UPP2: variants seen among roughly 807,000 people sequenced by gnomAD.
The protein encoded by UPP2 is UPase 2.
Under a neutral mutation model 26.7 loss-of-function variants are expected in UPP2, and 23 were observed. The ratio of observed to expected loss-of-function variants is 0.86; its 90% CI spans 0.62 to 1.22. The LOEUF (loss-of-function observed/expected upper bound fraction) is 1.22, where lower values mean the gene tolerates loss of function less well. Ranked by LOEUF, UPP2 falls within the 50% of genes most tolerant of loss-of-function variation. The pLI, the probability that UPP2 is intolerant of heterozygous loss-of-function variation, is 0.00. For synonymous variants in UPP2, 127 were observed against 141.3 expected, an observed-to-expected ratio of 0.90 and a Z score of 0.72; for missense variants, 387 against 396.7, an observed-to-expected ratio of 0.98 and a Z score of 0.21.
intron 3 of UPP2, among the ~76,000 whole-genome samples, chr2:158,017,889 CTTTT>C: frequency 6.6e-6 from 1 of 152,272 alleles, no homozygotes; most frequent in East Asian, 1.9e-4. Flanking sequence ...TTTGTTTCTT[CTTTT>C]TAAGCTTATA....
intron 3 of UPP2, among the ~76,000 whole-genome samples, chr2:158,050,807 C>T (rs1039621887): frequency 3.3e-5 from 5 of 152,110 alleles, no homozygotes; most frequent in Non-Finnish European, 5.9e-5. Context: ...TGAATATGAA[C>T]TATTGAAATG....
chr2:158,069,131 G>A (rs564499158), intron 3 of UPP2, among the ~76,000 whole-genome samples: 1 of 151,998 alleles, frequency 6.6e-6, no homozygotes, highest in South Asian at 2.1e-4. Flanking sequence ...GCTGTCCAGA[G>A]GCTAGTCGCC....
intron 3 of UPP2, among the ~76,000 whole-genome samples, chr2:158,052,247 G>A (rs543393432): frequency 4.0e-4 from 61 of 152,246 alleles, no homozygotes; most frequent in African/African-American, 1.3e-3. Context: ...GTAAGGAATT[G>A]GAACCCAACA....
At chr2:158,128,332 G>T (rs1051703881) in intron 6 of UPP2, among the ~76,000 whole-genome samples, 2 of 152,182 alleles carry the variant, frequency 1.3e-5, no homozygotes, top group African/African-American at 4.8e-5. Flanking sequence ...TTCTTCTGCT[G>T]TTCCCAACAA....
At chr2:157,999,366 C>G (rs1437668498) in intron 2 of UPP2, among the ~76,000 whole-genome samples, 2 of 152,070 alleles carry the variant, frequency 1.3e-5, no homozygotes, top group Non-Finnish European at 1.5e-5. Flanking sequence ...TTAGTAGAGA[C>G]AGGGTTTCAC....
At chr2:158,124,288 T>A (rs369637704) in intron 6 of UPP2, among the ~76,000 whole-genome samples, 47 of 152,316 alleles carry the variant, frequency 3.1e-4, no homozygotes, top group African/African-American at 1.1e-3. Context: ...GGGAGAAGAA[T>A]GTGCCACTTG....
chr2:158,050,327 ACT>A (rs2105170649), intron 3 of UPP2, among the ~76,000 whole-genome samples: 1 of 152,210 alleles, frequency 6.6e-6, no homozygotes, highest in African/African-American at 2.4e-5. Flanking sequence ...AGAAGCAAAG[ACT>A]CTAAGTGAAG....
At chr2:158,096,624 A>G (rs1682990303) in intron 3 of UPP2, among the ~76,000 whole-genome samples, 1 of 150,874 alleles carries the variant, frequency 6.6e-6, no homozygotes, top group Admixed American at 6.6e-5. Context: ...AATAAATATA[A>G]TAAACAATAA....
At chr2:158,051,930 G>A (rs1682165601) in intron 3 of UPP2, among the ~76,000 whole-genome samples, 1 of 152,130 alleles carries the variant, frequency 6.6e-6, no homozygotes, top group Non-Finnish European at 1.5e-5. Flanking sequence ...CAGCTGGCCT[G>A]GCACACATAT....
intron 2 of UPP2, among the ~76,000 whole-genome samples, chr2:158,109,570 T>A (rs1683268564): frequency 6.6e-6 from 1 of 152,118 alleles, no homozygotes; most frequent in Non-Finnish European, 1.5e-5. Flanking sequence ...CACCAATACA[T>A]CCTCCTTGTA....
intron 3 of UPP2, among the ~76,000 whole-genome samples, chr2:158,047,035 G>T (rs1375703947): frequency 2.0e-5 from 3 of 152,076 alleles, no homozygotes; most frequent in African/African-American, 7.2e-5. Context: ...AGTCTCTCTG[G>T]GTTATAAATA....
At chr2:157,997,937 A>C (rs1301477399) in intron 2 of UPP2, among the ~76,000 whole-genome samples, 1 of 152,262 alleles carries the variant, frequency 6.6e-6, no homozygotes, top group Non-Finnish European at 1.5e-5. Context: ...ATTAACTTGC[A>C]TGCCCCAAAC....
At chr2:158,100,306 T>C (rs1387302587), upstream of UPP2, among the ~76,000 whole-genome samples, 2 of 152,182 alleles carry the variant, frequency 1.3e-5, no homozygotes. Context: ...CTGTTAGTGA[T>C]CAAGATCACT....
At chr2:158,027,795 G>C (rs1004965350) in intron 3 of UPP2, among the ~76,000 whole-genome samples, 1 of 152,280 alleles carries the variant, frequency 6.6e-6, no homozygotes, top group South Asian at 2.1e-4. Flanking sequence ...AAATCTAGGC[G>C]GAGGTTTCCA....
chr2:158,101,711 G>A (rs1683078658), upstream of UPP2, among the ~76,000 whole-genome samples: 1 of 152,158 alleles, frequency 6.6e-6, no homozygotes, highest in Non-Finnish European at 1.5e-5. Flanking sequence ...TGGGATCAAG[G>A]ACAGATGTAA....
At chr2:158,000,817 A>G (rs1683392989) in intron 2 of UPP2, among the ~76,000 whole-genome samples, 1 of 152,268 alleles carries the variant, frequency 6.6e-6, no homozygotes, top group Non-Finnish European at 1.5e-5. Context: ...TATTACTAGA[A>G]GATGCTGAAG....
At chr2:158,084,905 T>C (rs554500326) in intron 3 of UPP2, among the ~76,000 whole-genome samples, 1 of 152,286 alleles carries the variant, frequency 6.6e-6, no homozygotes, top group African/African-American at 2.4e-5. Context: ...GGCCTTATAA[T>C]ATAGTTTGAA....
At chr2:158,089,533 C>T (rs957225192) in intron 3 of UPP2, among the ~76,000 whole-genome samples, 15 of 152,210 alleles carry the variant, frequency 9.9e-5, no homozygotes, top group African/African-American at 3.4e-4. Flanking sequence ...ACTTTGCACT[C>T]GGTTGAAATT....
At chr2:157,998,367 G>A (rs1311662722) in intron 2 of UPP2, among the ~76,000 whole-genome samples, 1 of 152,128 alleles carries the variant, frequency 6.6e-6, no homozygotes, top group Non-Finnish European at 1.5e-5. Flanking sequence ...TTAGTGCAGG[G>A]CACGTCTGAA....
Sources: gnomAD v4.1 joint callset for allele counts (sites outside exome capture counted in the v4.1 genomes callset) on GRCh38, gnomAD v4.1.1 for gene constraint, MANE v1.5 for transcripts, NCBI Gene and HGNC (gene_info 2026-07-23, HGNC 2026-07-21) for gene names.